GMEB2: variants seen among roughly 807,000 people sequenced by gnomAD.
GMEB2 encodes glucocorticoid modulatory element binding protein 2.
A neutral mutation model predicts 45.7 loss-of-function variants in GMEB2; 7 were observed. That is an observed-to-expected ratio of 0.15 (90% CI 0.09 to 0.29). The LOEUF is 0.29. Among genes scored for constraint, GMEB2 ranks in the 10% least tolerant of loss-of-function variants. GMEB2 has a pLI of 1.00. For missense variants in GMEB2, 582 were observed against 739.2 expected (o/e 0.79, Z 2.47); for synonymous variants, 322 against 323.6 (o/e 1.00, Z 0.05).
chr20:63,604,016 C>G (rs900815011), intron 3 of GMEB2, among the ~76,000 whole-genome samples: 11 of 147,384 alleles, frequency 7.5e-5, no homozygotes, highest in Non-Finnish European at 4.4e-5. Context: ...ATCATGCCAT[C>G]ACACTCTAGC....
At chr20:63,616,261 T>C (rs574154519) in intron 2 of GMEB2, among the ~76,000 whole-genome samples, 5 of 151,964 alleles carry the variant, frequency 3.3e-5, no homozygotes, top group Non-Finnish European at 7.4e-5. Flanking sequence ...CTGGCCAACA[T>C]GGTGAAACCC....
rs1223686333 is a variant in GMEB2 at position 63,619,663 on chromosome 20, G to T, written c.-57-209C>A. 2.6e-5 allele frequency: 8 copies of T among 313,532 alleles called. No homozygotes were observed. The Admixed American group carries it at 3.3e-4, about 13-fold the overall frequency. The allele number at this position is 313,532 out of a possible 1,614,324, so 19.4% of individuals were successfully genotyped here. On this transcript the variant is annotated intron_variant, in intron 1 of 9. Transcript: ENST00000370077. This position sits in a 1 kb window ranked among gnomAD's most constrained non-coding sequence, Gnocchi z 4.6. The stretch of plus-strand genomic sequence containing the variant: ...CGCACTCCACCCGTTTTTCCCACTG[G>T]ATAAGCCGAAACCCTTGGGTAGAAA...
In GMEB2 at chr20:63,590,509, G is replaced by C; in HGVS notation, c.1173C>G (p.Pro391=). The part of the protein sequence containing the change: ...QLALGPGVPV[P]QLTSVPLGKV... ...TACCAAGGGGCACGCTGGTCAGCTG[G>C]GGGACGGGCACGCCCGGGCCAAGCG... The change falls in exon 10 of 10, where the codon CCC becomes CCG. Residue 391 remains proline, a synonymous_variant. Transcript: ENST00000370077. 1 of 1,509,640 alleles carries C rather than the reference G, an allele frequency of 6.6e-7. No individual in the cohort carries two copies. The highest frequency in any genetic ancestry group is 8.9e-7 in the Non-Finnish European group (1 of 1,124,404). 93.5% of individuals were successfully genotyped at this position (1,509,640 alleles called of 1,614,324 possible). A position where few individuals can be genotyped will look rare whatever the true frequency, so the allele number is the denominator to read the frequency against.
At chr20:63,612,260 G>A (rs182850842) in intron 2 of GMEB2, among the ~76,000 whole-genome samples, 68 of 152,320 alleles carry the variant, frequency 4.5e-4, no homozygotes, top group South Asian at 2.9e-3. Context: ...CTTTCTGGCC[G>A]CATCTGGCCA....
chr20:63,622,751 A>G (rs928243415), intron 1 of GMEB2, among the ~76,000 whole-genome samples: 2 of 152,238 alleles, frequency 1.3e-5, no homozygotes, highest in Non-Finnish European at 2.9e-5. Flanking sequence ...TTGACCAGAG[A>G]TCCAAGGAAC....
Position 63,592,078 on chromosome 20 carries a change from G to T in GMEB2, c.896C>A (p.Ala299Asp). The T allele has an allele frequency of 6.2e-7, 1 of 1,613,376 alleles. No individual in the cohort carries two copies. The highest frequency in any genetic ancestry group is 8.5e-7 in the Non-Finnish European group (1 of 1,179,722). The change falls in exon 9 of 10, where the codon GCC (alanine) becomes GAC (aspartate). Residue 299 changes from alanine to aspartate, a missense_variant. Ala to Asp is a moderately radical substitution (Grantham distance 126). This residue lies in a region of GMEB2 where 462 missense variants were observed against 586.7 expected (regional missense o/e 0.79). Transcript: ENST00000370077. This position sits in a 1 kb window ranked among gnomAD's most constrained non-coding sequence, Gnocchi z 8.2. ...GCGGTCCATCTGGCACTTGTGGCTG[G>T]CCAGCACCTTCTTCACCAGGTCCAG... The part of the protein sequence containing the change: ...GMLDLVKKVL[A>D]SHKCQMDRSR...
intron 2 of GMEB2, among the ~76,000 whole-genome samples, chr20:63,609,553 T>C (rs149526214): frequency 0.14 from 374 of 2,582 alleles, 13 homozygotes; most frequent in Non-Finnish European, 0.27. Flanking sequence ...CCCTCTGACC[T>C]CACCTCCATT....
At chr20:63,598,418 A>G (rs1481829678) in intron 4 of GMEB2, among the ~76,000 whole-genome samples, 1 of 151,496 alleles carries the variant, frequency 6.6e-6, no homozygotes, top group Non-Finnish European at 1.5e-5. Context: ...TGCTAATTTC[A>G]CCCATGTGGG....
Position 63,604,796 on chromosome 20 carries a change from G to T in GMEB2, c.176C>A (p.Ala59Glu). 6.2e-7 allele frequency: 1 copy of T among 1,612,022 alleles called. No individual in the cohort carries two copies. The highest frequency in any genetic ancestry group is 8.5e-7 in the Non-Finnish European group (1 of 1,178,214). Reference protein sequence around the residue: ...EDNMETENAAAAAAAAFTASS... With the variant: ...EDNMETENAAEAAAAAFTASS... ...GGCTGTGAAGGCCGCGGCAGCTGCT[G>T]CCGCTGCATTTTCTGTCTCCATGTT... The change falls in exon 3 of 10, where the codon GCA becomes GAA. Residue 59 changes from alanine (A) to glutamate (E), a missense_variant. This residue lies in a region of GMEB2 where 114 missense variants were observed against 123.4 expected (regional missense o/e 0.92). Coordinates refer to ENST00000370077, the MANE Select transcript of GMEB2 (RefSeq NM_012384.5).
intron 2 of GMEB2, among the ~76,000 whole-genome samples, chr20:63,609,383 T>C (rs201087325): frequency 0.12 from 7,254 of 58,354 alleles, 123 homozygotes; most frequent in East Asian, 0.31. Flanking sequence ...CCCTCTGACC[T>C]CACCTCCATT....
intron 4 of GMEB2, 127 bp downstream of exon 4, chr20:63,602,838 C>G: frequency 5.0e-6 from 4 of 792,934 alleles, no homozygotes; most frequent in Non-Finnish European, 8.2e-6. Context: ...GTTCTTCCCG[C>G]ACCTCCTTCA....
intron 4 of GMEB2, among the ~76,000 whole-genome samples, chr20:63,599,222 C>T (rs565832898): frequency 9.2e-5 from 14 of 151,932 alleles, no homozygotes; most frequent in East Asian, 1.9e-4. Flanking sequence ...CCTGACCCCC[C>T]GGAGCTAACT....
intron 5 of GMEB2, among the ~76,000 whole-genome samples, chr20:63,596,668 TGGGAAGCAA>T (rs2083202841): frequency 1.3e-5 from 2 of 152,088 alleles, no homozygotes; most frequent in African/African-American, 2.4e-5. Flanking sequence ...GGGCCCTCCT[TGGGAAGCAA>T]GGTAGAGGCC....
intron 1 of GMEB2, among the ~76,000 whole-genome samples, chr20:63,620,873 C>T (rs182280640): frequency 1.6e-3 from 241 of 152,260 alleles, no homozygotes; most frequent in African/African-American, 5.5e-3. Context: ...CTGGTTGATT[C>T]TCAAAGGAAC....
chr20:63,590,372 G>A lies in GMEB2; in HGVS notation c.1310C>T (p.Ser437Phe). The A allele has an allele frequency of 6.2e-7, 1 of 1,605,694 alleles. No homozygotes were observed. The highest frequency in any genetic ancestry group is 8.5e-7 in the Non-Finnish European group (1 of 1,174,484). Reference protein sequence around the residue: ...LLGGYTVLASSGSTYPSTVEI... With the variant: ...LLGGYTVLASFGSTYPSTVEI... ...CACTGTGCTGGGGTAGGTGGAGCCG[G>A]AAGAGGCCAAGACTGTGTATCCCCC... is the stretch of plus-strand genomic sequence containing the variant. Residue 437 changes from serine (S) to phenylalanine (F), a missense_variant, in exon 10 of 10, where the codon TCC (serine) becomes TTC (phenylalanine). Ser to Phe is a radical substitution (Grantham distance 155, BLOSUM62 -2). Transcript: ENST00000370077.
In GMEB2 at chr20:63,604,818, T is replaced by C. The variant is rs774380107; in HGVS notation, c.154A>G (p.Met52Val). 3 of 1,609,690 alleles carry C rather than the reference T, an allele frequency of 1.9e-6. No homozygotes were observed. The highest frequency in any genetic ancestry group is 1.1e-5 in the South Asian group (1 of 91,004). ...PHGGDLTEDN[M>V]ETENAAAAAA... ...GCTGCCGCTGCATTTTCTGTCTCCATGTTATCTTCCGTCAGGTCGCCCCTG... is the reference window on the plus strand; with the variant it reads ...GCTGCCGCTGCATTTTCTGTCTCCACGTTATCTTCCGTCAGGTCGCCCCTG... The change falls in exon 3 of 10, where the codon ATG (methionine) becomes GTG (valine). Residue 52 changes from methionine (M) to valine (V), a missense_variant. Around this residue, in one of 3 missense-constraint regions of GMEB2, gnomAD observed 114 missense variants for 123.4 expected, o/e 0.92. Transcript: ENST00000370077.
intron 9 of GMEB2, among the ~76,000 whole-genome samples, chr20:63,590,937 T>C (rs537203467): frequency 6.6e-6 from 1 of 152,020 alleles, no homozygotes; most frequent in Non-Finnish European, 1.5e-5. Flanking sequence ...GCCCTCGGGG[T>C]AGACACCAGC....
At chr20:63,623,595 A>G (rs1287079488) in intron 1 of GMEB2, among the ~76,000 whole-genome samples, 4 of 150,106 alleles carry the variant, frequency 2.7e-5, no homozygotes, top group East Asian at 4.0e-4. Context: ...TCAGAAGTTC[A>G]AAGACCAGCC....
At chr20:63,607,039 CTCCATTTCTAGAA>C (rs2089525166) in intron 2 of GMEB2, among the ~76,000 whole-genome samples, 1 of 151,500 alleles carries the variant, frequency 6.6e-6, no homozygotes, top group Non-Finnish European at 1.5e-5. Flanking sequence ...TCTGACCCAC[CTCCATTTCTAGAA>C]ACATGCCCCT....
Sources: gnomAD v4.1 joint callset for allele counts (sites outside exome capture counted in the v4.1 genomes callset) on GRCh38, gnomAD v4.1.1 for gene constraint, gnomAD v4.1.1 regional missense constraint, Gnocchi (gnomAD v3.1) non-coding constraint, MANE v1.5 for transcripts, NCBI Gene and HGNC (gene_info 2026-07-23, HGNC 2026-07-21) for gene names.